EXOC4: variants seen among roughly 807,000 people sequenced by gnomAD.
EXOC4 encodes the protein SEC8-like 1.
In EXOC4, 71 loss-of-function variants were observed where a neutral mutation model predicts 107.2. The ratio of observed to expected loss-of-function variants is 0.66; its 90% CI spans 0.55 to 0.81. The LOEUF is 0.81. EXOC4 is among the 30% of genes least tolerant of loss of function. EXOC4 has a pLI of 0.00. For synonymous variants in EXOC4, 456 were observed against 441.2 expected, an observed-to-expected ratio of 1.03 and a Z score of -0.42; for missense variants, 1,108 against 1,189.6, an observed-to-expected ratio of 0.93 and a Z score of 1.01.
chr7:134,035,535 T>C (rs1795370034), intron 17 of EXOC4, among the ~76,000 whole-genome samples: 1 of 152,204 alleles, frequency 6.6e-6, no homozygotes, highest in Admixed American at 6.5e-5. Context: ...ATGAGCCATA[T>C]CTTTGTCTTC....
chr7:133,852,698 C>G (rs866554177), intron 11 of EXOC4, among the ~76,000 whole-genome samples: 1 of 152,116 alleles, frequency 6.6e-6, no homozygotes, highest in Non-Finnish European at 1.5e-5. Context: ...AAAATCCTTT[C>G]CCCCGCTTTT....
chr7:134,063,858 A>G lies in EXOC4; in HGVS notation c.2688-433A>G, dbSNP rs145997952. ...GTAGGTACTATTATTAACCCACTTT[A>G]TGGAGCAGAAAACCATGTACAGTAT... On this transcript the variant is annotated intron_variant, in intron 17 of 17. Transcript: ENST00000253861. Among the ~76,000 whole-genome samples the G allele has an allele frequency of 5.8e-4, 88 of 152,312 alleles. 1 individual carries two copies. Among genetic ancestry groups the G allele is most frequent in the Non-Finnish European group, 3.8e-4 (26 of 68,032 alleles).
At chr7:133,728,090 G>A (rs539386205) in intron 10 of EXOC4, among the ~76,000 whole-genome samples, 2 of 152,190 alleles carry the variant, frequency 1.3e-5, no homozygotes, top group African/African-American at 4.8e-5. Context: ...CACTTTTCTT[G>A]TTGATCAGCA....
intron 7 of EXOC4, among the ~76,000 whole-genome samples, chr7:133,415,155 C>T (rs1194460259): frequency 2.6e-5 from 4 of 152,038 alleles, no homozygotes; most frequent in Admixed American, 2.0e-4. Flanking sequence ...TATAGATATA[C>T]CACATTCTGT....
intron 17 of EXOC4, among the ~76,000 whole-genome samples, chr7:134,059,567 G>A (rs201526025): frequency 6.6e-6 from 1 of 152,138 alleles, no homozygotes; most frequent in East Asian, 1.9e-4. Context: ...AATTGATAGA[G>A]CTTTTTTAGA....
intron 9 of EXOC4, among the ~76,000 whole-genome samples, chr7:133,589,326 TGAG>T (rs1279429021): frequency 2.0e-5 from 3 of 152,218 alleles, no homozygotes; most frequent in Non-Finnish European, 4.4e-5. Context: ...AGAAAGCTGA[TGAG>T]GAGAATGCCC....
rs565174817 is a variant in EXOC4 at position 134,022,555 on chromosome 7, T to A, written c.2687+14720T>A. 4.0e-3 allele frequency among the ~76,000 whole-genome samples: 606 copies of A among 152,228 alleles called. 5 individuals carry two copies. Among genetic ancestry groups the A allele is most frequent in the African/African-American group, 0.014 (574 of 41,512 alleles). ...GTCTGTAATAGCTCTTTCCCCTTTTTCAAATTAAAAAAAAAAATCTGTTTT... is the reference window on the plus strand; with the variant it reads ...GTCTGTAATAGCTCTTTCCCCTTTTACAAATTAAAAAAAAAAATCTGTTTT... On this transcript the variant is annotated intron_variant, in intron 17 of 17. Coordinates refer to ENST00000253861, the MANE Select transcript of EXOC4 (RefSeq NM_021807.4).
intron 14 of EXOC4, among the ~76,000 whole-genome samples, chr7:133,948,884 A>G (rs1441147383): frequency 6.6e-6 from 1 of 152,056 alleles, no homozygotes; most frequent in African/African-American, 2.4e-5. Flanking sequence ...CAACATAATC[A>G]CCTATTACGA....
the EXOC4 span, among the ~76,000 whole-genome samples, chr7:134,098,213 G>T: frequency 6.6e-6 from 1 of 152,148 alleles, no homozygotes; most frequent in Admixed American, 6.5e-5. Context: ...CTGCTGTGAT[G>T]TTAATGAAGA....
intron 14 of EXOC4, among the ~76,000 whole-genome samples, chr7:133,991,791 A>G (rs146045067): frequency 8.5e-4 from 129 of 152,162 alleles, no homozygotes; most frequent in Non-Finnish European, 1.6e-3. Context: ...TGGGTTCTCT[A>G]TTCTGTTCCA....
At chr7:134,035,950 C>G (rs561785943) in intron 17 of EXOC4, among the ~76,000 whole-genome samples, 17 of 152,318 alleles carry the variant, frequency 1.1e-4, no homozygotes, top group Admixed American at 2.0e-4. Context: ...CACACATTCC[C>G]CCTAAACTAG....
intron 9 of EXOC4, among the ~76,000 whole-genome samples, chr7:133,557,159 A>G (rs1050994321): frequency 2.6e-5 from 4 of 152,120 alleles, no homozygotes; most frequent in African/African-American, 9.7e-5. Context: ...TTAACTAGCT[A>G]TTAGAGCTTT....
rs191343390 is a variant in EXOC4 at position 133,906,935 on chromosome 7, G to A, written c.1872-10648G>A. Reference sequence around the variant, plus strand: ...TTCTAATAGAACTGTTACACTCACCGCACAGCCCAAGATTCCATTCCTTGG... The same window carrying A: ...TTCTAATAGAACTGTTACACTCACCACACAGCCCAAGATTCCATTCCTTGG... On this transcript the variant is annotated intron_variant, in intron 12 of 17. Coordinates refer to ENST00000253861, the MANE Select transcript of EXOC4 (RefSeq NM_021807.4). 1.9e-3 allele frequency among the ~76,000 whole-genome samples: 295 copies of A among 152,212 alleles called. 2 individuals are homozygous for A. The highest frequency in any genetic ancestry group is 0.017 in the South Asian group (81 of 4,818).
At chr7:133,569,507 C>A (rs1017689878) in intron 9 of EXOC4, among the ~76,000 whole-genome samples, 2 of 152,144 alleles carry the variant, frequency 1.3e-5, no homozygotes, top group Non-Finnish European at 2.9e-5. Flanking sequence ...ATATGAAAGT[C>A]TTTTAAAAAC....
In EXOC4 at chr7:133,872,766, C is replaced by T. The variant is rs567514723; in HGVS notation, c.1735-22833C>T. On this transcript the variant is annotated intron_variant, in intron 11 of 17. Coordinates refer to ENST00000253861, the MANE Select transcript of EXOC4 (RefSeq NM_021807.4). ...ATTATAACTGCATGTTCTTAAAATC[C>T]CTCCTAAGTAACCCACAGTAAGAGG... 1.3e-4 allele frequency among the ~76,000 whole-genome samples: 20 copies of T among 152,200 alleles called. 1 individual carries two copies. The South Asian group carries it at 4.1e-3, about 32-fold the overall frequency.
At chr7:133,702,989 C>G (rs1163282161) in intron 10 of EXOC4, among the ~76,000 whole-genome samples, 1 of 152,222 alleles carries the variant, frequency 6.6e-6, no homozygotes, top group Non-Finnish European at 1.5e-5. Context: ...AATGAAATAA[C>G]TGAAGCCTCA....
intron 3 of EXOC4, among the ~76,000 whole-genome samples, chr7:133,302,756 A>G (rs140784076): frequency 0.015 from 2,225 of 152,096 alleles, 25 homozygotes; most frequent in Middle Eastern, 0.037. Context: ...ATAATTTCTT[A>G]TAGCAGCTAC....
intron 17 of EXOC4, among the ~76,000 whole-genome samples, chr7:134,025,988 T>C (rs1300025505): frequency 1.3e-5 from 2 of 152,202 alleles, no homozygotes; most frequent in African/African-American, 2.4e-5. Flanking sequence ...CCTCCAGTTA[T>C]GTGCACCCAA....
intron 10 of EXOC4, among the ~76,000 whole-genome samples, chr7:133,787,964 TATATATATATATATATATATATATATA>T (rs1796618131): frequency 1.1e-4 from 1 of 9,240 alleles, no homozygotes; most frequent in African/African-American, 3.0e-4. Flanking sequence ...TTTATATATT[TATATATATATATATATATATATATATA>T]TATATATATA....
Sources: gnomAD v4.1 joint callset for allele counts (sites outside exome capture counted in the v4.1 genomes callset) on GRCh38, gnomAD v4.1.1 for gene constraint, MANE v1.5 for transcripts, NCBI Gene and HGNC (gene_info 2026-07-23, HGNC 2026-07-21) for gene names.